Variants in GRM1 observed in about 807,000 individuals in gnomAD.
GRM1 encodes the protein metabotropic glutamate receptor 1.
Under a neutral mutation model 90.9 loss-of-function variants are expected in GRM1, and 33 were observed. That is an observed-to-expected ratio of 0.36 (90% CI 0.28 to 0.49). The LOEUF (loss-of-function observed/expected upper bound fraction) is 0.49. Among genes scored for constraint, GRM1 ranks in the 20% least tolerant of loss-of-function variants. GRM1 has a pLI of 0.99. For synonymous variants in GRM1, 700 were observed against 613.2 expected, an observed-to-expected ratio of 1.14 and a Z score of -2.09; for missense variants, 1,190 against 1,534.3, an observed-to-expected ratio of 0.78 and a Z score of 3.75.
intron 3 of GRM1, among the ~76,000 whole-genome samples, chr6:146,307,274 CAT>C (rs1244887303): frequency 6.6e-6 from 1 of 152,118 alleles, no homozygotes; most frequent in Non-Finnish European, 1.5e-5. Context: ...CTTTATGAAA[CAT>C]GTTTATATTT....
At chr6:146,315,098 G>C (rs1783921392) in intron 3 of GRM1, among the ~76,000 whole-genome samples, 1 of 152,078 alleles carries the variant, frequency 6.6e-6, no homozygotes, top group Non-Finnish European at 1.5e-5. Context: ...TTATATCCAA[G>C]AGCTATTTGT....
intron 2 of GRM1, among the ~76,000 whole-genome samples, chr6:146,253,450 A>C (rs926391776): frequency 1.3e-5 from 2 of 152,210 alleles, no homozygotes; most frequent in Non-Finnish European, 2.9e-5. Flanking sequence ...GGGGTTGTTC[A>C]GCTGAATTAC....
chr6:146,391,476 C>T (rs920285918), intron 6 of GRM1, among the ~76,000 whole-genome samples: 13 of 152,106 alleles, frequency 8.5e-5, no homozygotes, highest in East Asian at 1.9e-4. Flanking sequence ...GTTAGGTGGA[C>T]GCTACTCACC....
chr6:146,414,115 G>A (rs1777671980), intron 7 of GRM1, among the ~76,000 whole-genome samples: 1 of 152,098 alleles, frequency 6.6e-6, no homozygotes, highest in Non-Finnish European at 1.5e-5. Context: ...TAACTTATAA[G>A]AAATTGCCAA....
At chr6:146,227,941 A>T (rs1350970461) in intron 2 of GRM1, among the ~76,000 whole-genome samples, 1 of 152,194 alleles carries the variant, frequency 6.6e-6, no homozygotes, top group African/African-American at 2.4e-5. Flanking sequence ...TTAGATTTCT[A>T]TAATCTGCAC....
chr6:146,212,641 G>C (rs1307566921), intron 2 of GRM1, among the ~76,000 whole-genome samples: 1 of 152,136 alleles, frequency 6.6e-6, no homozygotes, highest in Non-Finnish European at 1.5e-5. Flanking sequence ...CTATGGTAAA[G>C]AAGTAATAGG....
intron 1 of GRM1, among the ~76,000 whole-genome samples, chr6:146,142,852 TCGGTAACCCCA>T (rs1258758410): frequency 2.0e-5 from 3 of 152,118 alleles, no homozygotes; most frequent in African/African-American, 7.2e-5. Context: ...AGGCCTGGAA[TCGGTAACCCCA>T]CGAGCCTGCT....
chr6:146,171,504 C>T (rs1426058260), intron 2 of GRM1: 1 of 193,508 alleles, frequency 5.2e-6, no homozygotes, highest in African/African-American at 2.4e-5. Flanking sequence ...GAATCTGGAT[C>T]TCTGGCTAAA....
chr6:146,393,198 G>T (rs1293747315), intron 6 of GRM1, among the ~76,000 whole-genome samples: 1 of 152,040 alleles, frequency 6.6e-6, no homozygotes, highest in African/African-American at 2.4e-5. Context: ...AGCATCTGTT[G>T]TTTCCTGACT....
chr6:146,195,364 G>A (rs1779079121), intron 2 of GRM1, among the ~76,000 whole-genome samples: 1 of 152,156 alleles, frequency 6.6e-6, no homozygotes, highest in African/African-American at 2.4e-5. Context: ...ACAGATAATA[G>A]GAGAAAACTT....
chr6:146,090,344 A>G (rs1428970538), intron 1 of GRM1, among the ~76,000 whole-genome samples: 1 of 152,120 alleles, frequency 6.6e-6, no homozygotes, highest in Non-Finnish European at 1.5e-5. Context: ...TTGGGGCAGC[A>G]TATTTAGTAC....
At chr6:146,349,461 ATTC>A (rs1417551711) in intron 3 of GRM1, among the ~76,000 whole-genome samples, 2 of 151,862 alleles carry the variant, frequency 1.3e-5, no homozygotes, top group African/African-American at 4.8e-5. Flanking sequence ...TTCACTCCCT[ATTC>A]TTCTTCAATT....
intron 2 of GRM1, among the ~76,000 whole-genome samples, chr6:146,240,866 C>T (rs1374021678): frequency 6.6e-6 from 1 of 152,018 alleles, no homozygotes; most frequent in Non-Finnish European, 1.5e-5. Context: ...ACATGTATAC[C>T]TACTAACTCT....
chr6:146,323,128 G>A (rs1425291871), intron 3 of GRM1, among the ~76,000 whole-genome samples: 1 of 152,232 alleles, frequency 6.6e-6, no homozygotes, highest in East Asian at 1.9e-4. Context: ...GTGATGGGAT[G>A]GCTGGGTCAA....
At chr6:146,307,199 G>T (rs554744569) in intron 3 of GRM1, among the ~76,000 whole-genome samples, 24 of 152,200 alleles carry the variant, frequency 1.6e-4, no homozygotes, top group Non-Finnish European at 3.5e-4. Context: ...TACAAATCTT[G>T]ATTTATTTTT....
intron 2 of GRM1, among the ~76,000 whole-genome samples, chr6:146,238,615 G>A (rs1780738547): frequency 1.3e-5 from 2 of 152,238 alleles, no homozygotes; most frequent in East Asian, 3.9e-4. Context: ...CTGTAAGTTA[G>A]AGGTGAATTT....
intron 3 of GRM1, among the ~76,000 whole-genome samples, chr6:146,325,675 TC>T (rs535503063): frequency 1.2e-3 from 177 of 152,266 alleles, no homozygotes; most frequent in Middle Eastern, 6.8e-3. Context: ...TGTCCAGGGG[TC>T]CTTGGAACAC....
At chr6:146,386,822 T>A in intron 5 of GRM1, 68 bp from the exon 6 acceptor site, 1 of 1,219,166 alleles carries the variant, frequency 8.2e-7, no homozygotes, top group Non-Finnish European at 1.2e-6. Flanking sequence ...TGAAAACAAA[T>A]CCTCATCTGA....
intron 2 of GRM1, among the ~76,000 whole-genome samples, chr6:146,186,564 A>C (rs575822567): frequency 6.6e-6 from 1 of 152,160 alleles, no homozygotes; most frequent in Non-Finnish European, 1.5e-5. Flanking sequence ...TACTGGGTAC[A>C]TGATCTGTTT....
Sources: gnomAD v4.1 joint callset for allele counts (sites outside exome capture counted in the v4.1 genomes callset) on GRCh38, gnomAD v4.1.1 for gene constraint, MANE v1.5 for transcripts, NCBI Gene and HGNC (gene_info 2026-07-23, HGNC 2026-07-21) for gene names.